KLF8: variants seen among roughly 807,000 people sequenced by gnomAD.
KLF8 encodes Krueppel-like factor 8.
KLF8 carries 10 observed loss-of-function variants against 18.2 expected under a neutral mutation model. That is an observed-to-expected ratio of 0.55 (90% confidence interval 0.34 to 0.93). The LOEUF (loss-of-function observed/expected upper bound fraction) is 0.93. Among genes scored for constraint, KLF8 ranks in the 40% least tolerant of loss-of-function variants. The pLI, the probability that KLF8 is intolerant of heterozygous loss-of-function variation, is 0.02. For missense variants in KLF8, 264 were observed against 277.9 expected (o/e 0.95, Z 0.36); for synonymous variants, 109 against 97.3 (o/e 1.12, Z -0.71).
chrX:56,069,680 C>T, the KLF8 span, among the ~76,000 whole-genome samples: 2 of 111,860 alleles, frequency 1.8e-5, no homozygotes, highest in East Asian at 2.8e-4. Flanking sequence ...GTCAACTCCA[C>T]CCACCCCCAT....
chrX:55,927,844 A>G, the KLF8 span, among the ~76,000 whole-genome samples: 1 of 111,406 alleles, frequency 9.0e-6, no homozygotes, highest in Non-Finnish European at 1.9e-5. Context: ...CAGCCTGTGG[A>G]TTGTCTATAC....
the KLF8 span, among the ~76,000 whole-genome samples, chrX:56,158,232 C>A: frequency 9.0e-6 from 1 of 111,511 alleles, no homozygotes; most frequent in East Asian, 2.8e-4. Flanking sequence ...GGACTCTGTT[C>A]TGTTCCATTG....
chrX:56,210,560 T>C, the KLF8 span, among the ~76,000 whole-genome samples: 3 of 111,208 alleles, frequency 2.7e-5, no homozygotes, highest in African/African-American at 9.8e-5. Context: ...AACCTACTTA[T>C]ACTTGGATAT....
chrX:55,979,040 C>T, the KLF8 span, among the ~76,000 whole-genome samples: 1 of 110,880 alleles, frequency 9.0e-6, no homozygotes, highest in African/African-American at 3.3e-5. Flanking sequence ...TATAATTTGG[C>T]TTAGTTCAAG....
At chrX:55,958,171 T>TGGC in the KLF8 span, among the ~76,000 whole-genome samples, 1 of 112,580 alleles carries the variant, frequency 8.9e-6, no homozygotes, top group Admixed American at 9.4e-5. Context: ...AGCTAAGATC[T>TGGC]GGCTCTTGTT....
the KLF8 span, among the ~76,000 whole-genome samples, chrX:56,097,655 C>T: frequency 1.1e-5 from 1 of 88,833 alleles, no homozygotes; most frequent in African/African-American, 4.1e-5. Context: ...TCTCCTAATG[C>T]TATCCCTCCC....
the KLF8 span, among the ~76,000 whole-genome samples, chrX:56,106,385 T>A: frequency 8.9e-6 from 1 of 112,119 alleles, no homozygotes; most frequent in Non-Finnish European, 1.9e-5. Flanking sequence ...TTTCACATAG[T>A]CCCATATTTC....
the KLF8 span, among the ~76,000 whole-genome samples, chrX:56,148,243 A>G: frequency 4.1e-3 from 459 of 111,453 alleles, 1 homozygote; most frequent in Non-Finnish European, 7.0e-3. Flanking sequence ...CTACATAATA[A>G]AGCAAAATAT....
chrX:56,088,670 C>T, the KLF8 span, among the ~76,000 whole-genome samples: 63 of 111,641 alleles, frequency 5.6e-4, no homozygotes, highest in African/African-American at 2.0e-3. Context: ...TAATCACTGG[C>T]TAATTTCCAC....
At chrX:56,257,540 T>C (rs1295522460) in intron 2 of KLF8, among the ~76,000 whole-genome samples, 3 of 111,422 alleles carry the variant, frequency 2.7e-5, no homozygotes, top group Non-Finnish European at 5.6e-5. Context: ...TAGTACCCAG[T>C]GTCTATTTTT....
chrX:55,947,151 G>A, the KLF8 span, among the ~76,000 whole-genome samples: 4 of 110,995 alleles, frequency 3.6e-5, no homozygotes, highest in African/African-American at 1.3e-4. Context: ...ATACCCAAAG[G>A]ACTATAAATC....
At chrX:55,983,076 A>G in the KLF8 span, among the ~76,000 whole-genome samples, 1 of 111,891 alleles carries the variant, frequency 8.9e-6, no homozygotes, top group African/African-American at 3.2e-5. Flanking sequence ...TAGAAAAAGT[A>G]TCCTACCTAA....
chrX:56,072,257 C>G, the KLF8 span, among the ~76,000 whole-genome samples: 1 of 111,725 alleles, frequency 9.0e-6, no homozygotes, highest in African/African-American at 3.3e-5. Context: ...TTTGGAAATA[C>G]AAATAATCAA....
At chrX:56,058,293 T>TATATAC in the KLF8 span, among the ~76,000 whole-genome samples, 4 of 65,218 alleles carry the variant, frequency 6.1e-5, no homozygotes, top group Admixed American at 5.4e-4. Context: ...TATATATATA[T>TATATAC]ATATATATAT....
the KLF8 span, among the ~76,000 whole-genome samples, chrX:56,023,424 C>A: frequency 3.6e-5 from 4 of 111,673 alleles, no homozygotes; most frequent in African/African-American, 1.3e-4. Context: ...ATGAGACAAA[C>A]AAAGACACAA....
the KLF8 span, among the ~76,000 whole-genome samples, chrX:56,184,670 G>A: frequency 3.0e-4 from 34 of 111,676 alleles, no homozygotes; most frequent in African/African-American, 1.1e-3. Context: ...ACTCCTCTGA[G>A]ACAAAATTTC....
the KLF8 span, among the ~76,000 whole-genome samples, chrX:56,066,690 G>A: frequency 9.0e-6 from 1 of 111,450 alleles, no homozygotes; most frequent in African/African-American, 3.3e-5. Flanking sequence ...GGATGTGGGT[G>A]GAGGATATCA....
chrX:56,153,232 A>T, the KLF8 span, among the ~76,000 whole-genome samples: 11 of 110,939 alleles, frequency 9.9e-5, no homozygotes, highest in Non-Finnish European at 2.1e-4. Context: ...ATGGAGGTGC[A>T]TGCCTATAGC....
the KLF8 span, among the ~76,000 whole-genome samples, chrX:56,210,634 T>C: frequency 5.2e-3 from 581 of 110,990 alleles, 1 homozygote; most frequent in Non-Finnish European, 8.9e-3. Flanking sequence ...TCTACCCCTA[T>C]CTCTTTCTCT....
Sources: allele counts gnomAD v4.1 joint callset (sites outside exome capture counted in the v4.1 genomes callset), GRCh38; gene constraint gnomAD v4.1.1; transcripts MANE v1.5; gene names NCBI Gene and HGNC (gene_info 2026-07-23, HGNC 2026-07-21).